Variants in C1orf159 observed in about 807,000 individuals in gnomAD.
C1orf159 encodes the protein uncharacterized protein C1orf159.
A neutral mutation model predicts 25.6 loss-of-function variants in C1orf159; 19 were observed. That is an observed-to-expected ratio of 0.74 (90% CI 0.52 to 1.09). The LOEUF (loss-of-function observed/expected upper bound fraction) is 1.09, where lower values mean the gene tolerates loss of function less well. Ranked by LOEUF, C1orf159 falls within the 50% of genes least tolerant of loss-of-function variation. The probability of loss-of-function intolerance (pLI) is 0.00; values close to 1 mark genes in which losing one functional copy is unlikely to be tolerated. For missense variants in C1orf159, 274 were observed against 290.6 expected, an observed-to-expected ratio of 0.94 and a Z score of 0.42; for synonymous variants, 139 against 124.7, an observed-to-expected ratio of 1.12 and a Z score of -0.77.
In C1orf159 at chr1:1,086,051, GGCCCTGGCTCCTCGCCTGGCCC is replaced by G. The variant is rs746357355; in HGVS notation, c.311-61_311-40del. The G allele has an allele frequency of 8.1e-6, 13 of 1,606,916 alleles. No individual in the cohort carries two copies. The Middle Eastern group carries it at 7.2e-4, about 89-fold the overall frequency. On this transcript the variant is annotated intron_variant, in intron 6 of 9. Transcript: ENST00000421241. Reference sequence around the variant, plus strand: ...CCGCTGAGCAGACGGGCAGGACGGTGGCCCTGGCTCCTCGCCTGGCCCCCGGTGCCCCCTGCACATGGCAGAT... The same window carrying G: ...CCGCTGAGCAGACGGGCAGGACGGTGCCGGTGCCCCCTGCACATGGCAGAT...
intron 1 of C1orf159, among the ~76,000 whole-genome samples, chr1:1,108,668 C>T (rs1646213630): frequency 2.9e-5 from 3 of 101,820 alleles, no homozygotes; most frequent in Admixed American, 8.9e-5. Context: ...TCGGCAGCAC[C>T]GTTCACCACA....
At chr1:1,084,965 T>C (rs1407525543) in intron 7 of C1orf159, among the ~76,000 whole-genome samples, 1 of 152,046 alleles carries the variant, frequency 6.6e-6, no homozygotes, top group Non-Finnish European at 1.5e-5. Context: ...TGCCGTGGCA[T>C]CGTGGCCAAC....
At chr1:1,105,482 G>C (rs1010840586) in intron 1 of C1orf159, among the ~76,000 whole-genome samples, 1 of 152,032 alleles carries the variant, frequency 6.6e-6, no homozygotes, top group African/African-American at 2.4e-5. Flanking sequence ...CCCTAGCCTG[G>C]ATGACAGAGT....
chr1:1,103,535 G>A (rs1168614987), intron 1 of C1orf159, among the ~76,000 whole-genome samples: 1 of 152,210 alleles, frequency 6.6e-6, no homozygotes, highest in Non-Finnish European at 1.5e-5. Context: ...CCTGCGGTGA[G>A]CGGTGGCTCA....
chr1:1,113,451 G>A (rs1036634206), intron 1 of C1orf159, among the ~76,000 whole-genome samples: 40 of 152,262 alleles, frequency 2.6e-4, no homozygotes, highest in African/African-American at 8.9e-4. Context: ...GGAGTGCATC[G>A]TTGCGATCTC....
chr1:1,091,345 C>T lies in C1orf159; in HGVS notation c.72+127G>A, dbSNP rs375262683. ...CTCTGACCCCAGCAGTGGACCTGGT[C>T]AGCACCTCTGGGGCTGGGACATCAG... is the stretch of plus-strand genomic sequence containing the variant. On this transcript the variant is annotated intron_variant, in intron 3 of 9. Transcript: ENST00000421241. 166 of 937,756 alleles carry T rather than the reference C, an allele frequency of 1.8e-4. No individual in the cohort carries two copies. In the East Asian group the frequency reaches 2.9e-3, roughly 16 times the overall value. 58.1% of individuals were successfully genotyped at this position (937,756 alleles called of 1,614,324 possible). A position where few individuals can be genotyped will look rare whatever the true frequency, so the allele number is the denominator to read the frequency against.
chr1:1,090,646 G>T, intron 3 of C1orf159: 1 of 687,956 alleles, frequency 1.5e-6, no homozygotes, highest in Non-Finnish European at 2.5e-6. Context: ...CCCTGGGTGG[G>T]CGGTCTCCAA....
chr1:1,093,621 T>TA (rs1236980193), intron 1 of C1orf159, among the ~76,000 whole-genome samples: 1 of 152,264 alleles, frequency 6.6e-6, no homozygotes, highest in Non-Finnish European at 1.5e-5. Context: ...CATGTTGTTT[T>TA]ATCCGCACTT....
chr1:1,090,526 A>C, intron 3 of C1orf159, 98 bp from the exon 4 acceptor site: 58 of 1,247,142 alleles, frequency 4.7e-5, no homozygotes, highest in Non-Finnish European at 5.5e-5. Context: ...AGCACATCTC[A>C]ATGTCCGCAG....
chr1:1,111,268 C>G (rs1489203112), intron 1 of C1orf159, among the ~76,000 whole-genome samples: 2 of 151,766 alleles, frequency 1.3e-5, no homozygotes, highest in Non-Finnish European at 2.9e-5. Context: ...AGGCTCAGGC[C>G]TGCAATCCCA....
intron 3 of C1orf159, chr1:1,090,720 G>A (rs369879359): frequency 1.1e-4 from 82 of 768,514 alleles, no homozygotes; most frequent in Middle Eastern, 3.5e-4. Flanking sequence ...CCATGGCAGC[G>A]CCACCGACAT....
chr1:1,093,943 T>TCTGTGTA (rs1645975798), intron 1 of C1orf159, among the ~76,000 whole-genome samples: 1 of 152,206 alleles, frequency 6.6e-6, no homozygotes, highest in Non-Finnish European at 1.5e-5. Context: ...TGCAGGAGTA[T>TCTGTGTA]CTCTGTGTCG....
intron 1 of C1orf159, among the ~76,000 whole-genome samples, chr1:1,105,437 T>G (rs557270709): frequency 2.0e-5 from 3 of 151,762 alleles, no homozygotes; most frequent in Non-Finnish European, 4.4e-5. Flanking sequence ...GTCCAGGAGG[T>G]TGAGGCTGCA....
At chr1:1,091,443 C>A (rs1182922026) in intron 3 of C1orf159, 29 bp downstream of exon 3, 3 of 1,544,426 alleles carry the variant, frequency 1.9e-6, no homozygotes, top group South Asian at 1.2e-5. Flanking sequence ...CTGGCTTAGG[C>A]CGCGTGGACA....
At chr1:1,083,730 G>C (rs1425163587) in intron 9 of C1orf159, 1 of 620,814 alleles carries the variant, frequency 1.6e-6, no homozygotes, top group East Asian at 2.8e-5. Flanking sequence ...CTTTAGGGAC[G>C]GGGCACGTCC....
At chr1:1,098,062 C>T (rs1196738201) in intron 1 of C1orf159, among the ~76,000 whole-genome samples, 1 of 151,832 alleles carries the variant, frequency 6.6e-6, no homozygotes, top group Non-Finnish European at 1.5e-5. Flanking sequence ...ATTTTTTCCC[C>T]ACCTGAGTTA....
chr1:1,097,032 G>A (rs1484273621), intron 1 of C1orf159, among the ~76,000 whole-genome samples: 1 of 151,256 alleles, frequency 6.6e-6, no homozygotes, highest in Non-Finnish European at 1.5e-5. Flanking sequence ...AGCCACCAGA[G>A]ATGGCAATAG....
chr1:1,087,443 C>T lies in C1orf159; in HGVS notation c.244+59G>A. On this transcript the variant is annotated intron_variant, in intron 5 of 9. Coordinates refer to ENST00000421241, the MANE Select transcript of C1orf159 (RefSeq NM_017891.5). The surrounding 1 kb of genome is among the most constrained non-coding windows in gnomAD (Gnocchi z 8.3). Reference sequence around the variant, plus strand: ...GTGGGGACACAGACAGCAACTCCCACAGTGTCTCCCACAGCTGGAGCTGTG... The same window carrying T: ...GTGGGGACACAGACAGCAACTCCCATAGTGTCTCCCACAGCTGGAGCTGTG... The T allele has an allele frequency of 6.9e-7, 1 of 1,453,390 alleles. No individual in the cohort carries two copies. Among genetic ancestry groups the T allele is most frequent in the Non-Finnish European group, 9.4e-7 (1 of 1,067,390 alleles). The allele number at this position is 1,453,390 out of a possible 1,614,324, so 90.0% of individuals were successfully genotyped here. A position where few individuals can be genotyped will look rare whatever the true frequency, so the allele number is the denominator to read the frequency against.
intron 1 of C1orf159, chr1:1,106,550 A>C (rs939958269): frequency 6.6e-6 from 1 of 152,242 alleles, no homozygotes; most frequent in African/African-American, 2.4e-5. Context: ...GAAAACCAGG[A>C]CTCCAAGAGA....
Sources: gnomAD v4.1 joint callset for allele counts (sites outside exome capture counted in the v4.1 genomes callset) on GRCh38, gnomAD v4.1.1 for gene constraint, Gnocchi (gnomAD v3.1) non-coding constraint, MANE v1.5 for transcripts, NCBI Gene and HGNC (gene_info 2026-07-23, HGNC 2026-07-21) for gene names.